FANCD2OS: variants seen among roughly 807,000 people sequenced by gnomAD.
FANCD2OS encodes FANCD2 opposite strand.
In FANCD2OS, 11 loss-of-function variants were observed where a neutral mutation model predicts 13.2. The ratio of observed to expected loss-of-function variants is 0.83; its 90% confidence interval spans 0.52 to 1.38. FANCD2OS has a LOEUF of 1.38. Ranked by LOEUF, FANCD2OS falls within the 40% of genes most tolerant of loss-of-function variation. The probability of loss-of-function intolerance (pLI) is 0.00; values close to 1 mark genes in which losing one functional copy is unlikely to be tolerated. For synonymous variants in FANCD2OS, 69 were observed against 84.5 expected, an observed-to-expected ratio of 0.82 and a Z score of 1.01; for missense variants, 217 against 213.9, an observed-to-expected ratio of 1.01 and a Z score of -0.09.
chr3:10,098,654 C>T (rs547311009), downstream of FANCD2OS: 9 of 1,582,720 alleles, frequency 5.7e-6, no homozygotes, highest in Admixed American at 1.3e-4. Flanking sequence ...TAAACTCAAC[C>T]TTCTCCCCTA....
intron 2 of FANCD2OS, chr3:10,094,753 A>G (rs1261844566): frequency 3.1e-6 from 1 of 322,900 alleles, no homozygotes; most frequent in Non-Finnish European, 5.9e-6. Flanking sequence ...TGCTGTGGTA[A>G]TGAACAGTCT....
chr3:10,101,040 G>C (rs577363283), downstream of FANCD2OS: 6 of 596,338 alleles, frequency 1.0e-5, no homozygotes, highest in East Asian at 1.8e-4. Context: ...CTGCATTCCA[G>C]CCTGGTGACA....
At chr3:10,088,290 G>T (rs1694357019) in intron 2 of FANCD2OS, among the ~76,000 whole-genome samples, 1 of 152,232 alleles carries the variant, frequency 6.6e-6, no homozygotes, top group African/African-American at 2.4e-5. Flanking sequence ...AGTGGATCAG[G>T]AACGTGACAG....
downstream of FANCD2OS, chr3:10,099,213 G>C (rs34092072): frequency 3.9e-3 from 5,278 of 1,363,580 alleles, 10 homozygotes; most frequent in Non-Finnish European, 4.7e-3. Context: ...AAAGCATTTG[G>C]TGAAAGCCAA....
chr3:10,094,768 A>T, intron 2 of FANCD2OS: 1 of 315,830 alleles, frequency 3.2e-6, no homozygotes, highest in Non-Finnish European at 6.1e-6. Flanking sequence ...CAGTCTTGAC[A>T]GTTTTTTAGC....
chr3:10,100,080 C>G (rs955730654), downstream of FANCD2OS, among the ~76,000 whole-genome samples: 3 of 151,718 alleles, frequency 2.0e-5, no homozygotes, highest in African/African-American at 7.3e-5. Context: ...CCCTGCTACA[C>G]AGGAGGCTGA....
intron 2 of FANCD2OS, among the ~76,000 whole-genome samples, chr3:10,093,774 G>A (rs1220143192): frequency 1.3e-5 from 2 of 152,178 alleles, no homozygotes; most frequent in African/African-American, 4.8e-5. Context: ...AGAATGTTAT[G>A]GGGAGAATGC....
At chr3:10,095,373 C>A in intron 2 of FANCD2OS, 1 of 978,602 alleles carries the variant, frequency 1.0e-6, no homozygotes, top group Non-Finnish European at 1.6e-6. Flanking sequence ...TCCTTTATAT[C>A]TGGGACTGTG....
At chr3:10,101,418 C>T, downstream of FANCD2OS, 2 of 576,390 alleles carry the variant, frequency 3.5e-6, no homozygotes, top group East Asian at 3.0e-5. Flanking sequence ...CGGGGACTCG[C>T]TGTGTTTCCC....
intron 2 of FANCD2OS, among the ~76,000 whole-genome samples, chr3:10,096,027 T>C (rs1346970591): frequency 6.6e-6 from 1 of 152,222 alleles, no homozygotes; most frequent in East Asian, 1.9e-4. Flanking sequence ...GGCTACTCTA[T>C]TGTTTAATAT....
chr3:10,087,564 G>A (rs980981941), intron 2 of FANCD2OS, among the ~76,000 whole-genome samples: 2 of 151,728 alleles, frequency 1.3e-5, no homozygotes, highest in Admixed American at 6.6e-5. Flanking sequence ...TTGACAAAAC[G>A]AGACATAAAT....
intron 2 of FANCD2OS, chr3:10,088,372 T>A (rs1355850236): frequency 1.1e-6 from 1 of 895,670 alleles, no homozygotes; most frequent in Non-Finnish European, 1.9e-6. Context: ...TGATCAATAA[T>A]CATCCTCAAA....
rs1559404961 is a variant in FANCD2OS, at chr3:10,088,927, C to G, written c.*44-7396G>C. On this transcript the variant is annotated intron_variant, in intron 2 of 2. Coordinates refer to the FANCD2OS transcript ENST00000524279. ...TCAACTCTCCTAAAGATGCATCTTC[C>G]TCCACATTCCCTACACTGACCAGGT... 1.9e-6 allele frequency: 3 copies of G among 1,613,922 alleles called. No homozygotes were observed. Among genetic ancestry groups the G allele is most frequent in the Middle Eastern group, 1.7e-4 (1 of 6,058 alleles).
chr3:10,107,501 T>C (rs1380836371), intron 1 of FANCD2OS, among the ~76,000 whole-genome samples: 3 of 151,928 alleles, frequency 2.0e-5, no homozygotes, highest in South Asian at 4.2e-4. Context: ...TTAGCCAGGA[T>C]GGTCTCGATC....
At chr3:10,084,482 G>C (rs1265731707) in intron 2 of FANCD2OS, among the ~76,000 whole-genome samples, 2 of 151,154 alleles carry the variant, frequency 1.3e-5, no homozygotes, top group African/African-American at 4.9e-5. Flanking sequence ...TTCTTTGGTA[G>C]AGACGGGGTT....
chr3:10,089,447 T>C (rs1298248009), intron 2 of FANCD2OS, among the ~76,000 whole-genome samples: 1 of 152,076 alleles, frequency 6.6e-6, no homozygotes, highest in African/African-American at 2.4e-5. Context: ...GCTAATATAT[T>C]TGAGAGGACC....
At chr3:10,103,325 C>G (rs1252135920), downstream of FANCD2OS, among the ~76,000 whole-genome samples, 8 of 152,154 alleles carry the variant, frequency 5.3e-5, no homozygotes, top group East Asian at 1.5e-3. Context: ...TTGCTTGAAC[C>G]TGGGAGGCAG....
chr3:10,093,377 A>G, intron 2 of FANCD2OS: 1 of 1,400,820 alleles, frequency 7.1e-7, no homozygotes, highest in Non-Finnish European at 1.0e-6. Flanking sequence ...GGATCACTCT[A>G]GAGAGGACCT....
intron 2 of FANCD2OS, among the ~76,000 whole-genome samples, chr3:10,084,463 C>CT (rs150763563): frequency 9.4e-5 from 14 of 149,082 alleles, no homozygotes; most frequent in African/African-American, 2.0e-4. Flanking sequence ...CTGATTTTTC[C>CT]TTTTTTTTTT....
Sources: gnomAD v4.1 joint callset for allele counts (sites outside exome capture counted in the v4.1 genomes callset) on GRCh38, gnomAD v4.1.1 for gene constraint, MANE v1.5 for transcripts, NCBI Gene and HGNC (gene_info 2026-07-23, HGNC 2026-07-21) for gene names.